The following RAB27B variants were observed in gnomAD, a reference collection of about 807,000 sequenced individuals.
RAB27B encodes the protein RAB27B, member RAS oncogene family.
Under a neutral mutation model 24.6 loss-of-function variants are expected in RAB27B, and 15 were observed. That is an observed-to-expected ratio of 0.61 (90% CI 0.41 to 0.94). The LOEUF (loss-of-function observed/expected upper bound fraction) is 0.94. Among genes scored for constraint, RAB27B ranks in the 40% least tolerant of loss-of-function variants. RAB27B has a pLI of 0.00. For missense variants in RAB27B, 261 were observed against 266.8 expected (o/e 0.98, Z 0.15); for synonymous variants, 105 against 92.5 (o/e 1.14, Z -0.78).
At chr18:54,834,388 A>G (rs1910811308) in intron 1 of RAB27B, among the ~76,000 whole-genome samples, 1 of 152,178 alleles carries the variant, frequency 6.6e-6, no homozygotes, top group East Asian at 1.9e-4. Context: ...TGAGTGGTGT[A>G]TAACTATAGA....
rs905412840 is a variant in RAB27B, at chr18:54,887,374, A to G, written c.344-621A>G. Reference sequence around the variant, plus strand: ...ATTTCCCCAGATGTATTCCGTATTTACTGAATACTTACTATGTGCTAGCAA... The same window carrying G: ...ATTTCCCCAGATGTATTCCGTATTTGCTGAATACTTACTATGTGCTAGCAA... On this transcript the variant is annotated intron_variant, in intron 4 of 5. Coordinates refer to ENST00000262094, the MANE Select transcript of RAB27B (RefSeq NM_004163.4). Among the ~76,000 whole-genome samples the G allele has an allele frequency of 5.9e-5, 9 of 152,154 alleles. No individual in the cohort carries two copies. In the South Asian group the frequency reaches 1.9e-3, roughly 32 times the overall value.
intron 2 of RAB27B, among the ~76,000 whole-genome samples, chr18:54,796,130 C>T (rs1909410540): frequency 6.6e-6 from 1 of 152,102 alleles, no homozygotes; most frequent in African/African-American, 2.4e-5. Context: ...ACAGGGGTGG[C>T]TCGCTCCTTT....
chr18:54,732,527 G>A (rs1029253164), intron 2 of RAB27B, among the ~76,000 whole-genome samples: 9 of 151,640 alleles, frequency 5.9e-5, no homozygotes, highest in African/African-American at 1.9e-4. Context: ...TTCTTAACCA[G>A]GTATTATTGT....
intron 2 of RAB27B, among the ~76,000 whole-genome samples, chr18:54,744,140 A>G (rs1910158675): frequency 6.6e-6 from 1 of 152,218 alleles, no homozygotes; most frequent in Non-Finnish European, 1.5e-5. Flanking sequence ...CATTCATTGG[A>G]AAGTGTGTGA....
chr18:54,833,793 G>C (rs951549420), intron 1 of RAB27B, among the ~76,000 whole-genome samples: 5 of 152,184 alleles, frequency 3.3e-5, no homozygotes, highest in Non-Finnish European at 1.5e-5. Flanking sequence ...AGGATTTGCT[G>C]AATTCTTAAC....
intron 1 of RAB27B, among the ~76,000 whole-genome samples, chr18:54,848,339 T>C (rs1478309258): frequency 2.6e-5 from 4 of 152,228 alleles, no homozygotes; most frequent in Admixed American, 2.6e-4. Flanking sequence ...ATTTTTGCAC[T>C]ATAGAGATTT....
At chr18:54,885,454 C>A (rs1913095546) in intron 4 of RAB27B, among the ~76,000 whole-genome samples, 1 of 152,164 alleles carries the variant, frequency 6.6e-6, no homozygotes, top group African/African-American at 2.4e-5. Context: ...CGTTCACTAG[C>A]CTTCAGCCAA....
intron 2 of RAB27B, among the ~76,000 whole-genome samples, chr18:54,774,158 T>C (rs762472597): frequency 1.3e-5 from 2 of 152,236 alleles, no homozygotes; most frequent in Admixed American, 6.5e-5. Flanking sequence ...CATTCTACTC[T>C]ACCTCCTCCA....
At chr18:54,748,795 A>G (rs564789774) in intron 2 of RAB27B, among the ~76,000 whole-genome samples, 14 of 152,358 alleles carry the variant, frequency 9.2e-5, no homozygotes, top group Non-Finnish European at 1.6e-4. Flanking sequence ...GGTATACAGC[A>G]TTTATTTTAA....
upstream of RAB27B, among the ~76,000 whole-genome samples, chr18:54,824,560 C>A (rs9945718): frequency 0.054 from 8,170 of 152,224 alleles, 262 homozygotes; most frequent in South Asian, 0.12. Flanking sequence ...TTCGCATCTG[C>A]GCACTAGTAA....
intron 2 of RAB27B, among the ~76,000 whole-genome samples, chr18:54,724,078 TGAG>T (rs1909450825): frequency 6.9e-6 from 1 of 144,138 alleles, no homozygotes; most frequent in African/African-American, 2.5e-5. Context: ...ATTTTAGTGG[TGAG>T]GAGTATCACG....
chr18:54,883,099 T>C (rs1165322117), intron 3 of RAB27B, among the ~76,000 whole-genome samples: 1 of 152,092 alleles, frequency 6.6e-6, no homozygotes, highest in Non-Finnish European at 1.5e-5. Context: ...AGAAGGGTGG[T>C]GATGTCATAA....
chr18:54,849,876 T>C (rs970583626), intron 1 of RAB27B, among the ~76,000 whole-genome samples: 5 of 152,162 alleles, frequency 3.3e-5, no homozygotes, highest in African/African-American at 1.2e-4. Flanking sequence ...AAAATAGTAC[T>C]GGTTCCATCA....
At chr18:54,862,695 A>G (rs1253841749) in intron 1 of RAB27B, among the ~76,000 whole-genome samples, 1 of 152,182 alleles carries the variant, frequency 6.6e-6, no homozygotes, top group African/African-American at 2.4e-5. Flanking sequence ...TTCACAGGGA[A>G]TACTGATGAT....
chr18:54,748,809 A>C (rs1032335536), intron 2 of RAB27B, among the ~76,000 whole-genome samples: 3 of 152,236 alleles, frequency 2.0e-5, no homozygotes, highest in African/African-American at 7.2e-5. Context: ...ATTTTAATGC[A>C]TGTGTGGACA....
At chr18:54,847,005 C>A (rs953054155) in intron 1 of RAB27B, among the ~76,000 whole-genome samples, 1 of 152,090 alleles carries the variant, frequency 6.6e-6, no homozygotes, top group African/African-American at 2.4e-5. Flanking sequence ...TGCCCGCCAC[C>A]ACACATGGCT....
intron 2 of RAB27B, among the ~76,000 whole-genome samples, chr18:54,800,038 A>G (rs1393929633): frequency 1.3e-5 from 2 of 152,190 alleles, no homozygotes; most frequent in Non-Finnish European, 2.9e-5. Flanking sequence ...AACTAGTGAG[A>G]ACTTCTCTTT....
At chr18:54,790,382 A>T (rs1002140980) in intron 2 of RAB27B, among the ~76,000 whole-genome samples, 5 of 151,994 alleles carry the variant, frequency 3.3e-5, no homozygotes, top group Admixed American at 3.3e-4. Flanking sequence ...CTTTTCAAAT[A>T]CTCCCAACCA....
intron 2 of RAB27B, among the ~76,000 whole-genome samples, chr18:54,766,940 G>A (rs1186282442): frequency 3.3e-5 from 5 of 152,150 alleles, no homozygotes; most frequent in African/African-American, 1.2e-4. Context: ...GACTGGTTCA[G>A]TTTTGCCTCT....
Sources: allele counts gnomAD v4.1 joint callset (sites outside exome capture counted in the v4.1 genomes callset), GRCh38; gene constraint gnomAD v4.1.1; transcripts MANE v1.5; gene names NCBI Gene and HGNC (gene_info 2026-07-23, HGNC 2026-07-21).